Variants in OR4C12 observed in about 807,000 individuals in gnomAD.
OR4C12 encodes the protein olfactory receptor 4C12.
Under a neutral mutation model 12.3 loss-of-function variants are expected in OR4C12, and 11 were observed. The ratio of observed to expected loss-of-function variants is 0.89; its 90% CI spans 0.56 to 1.48. OR4C12 has a LOEUF of 1.48. Among genes scored for constraint, OR4C12 ranks in the 40% most tolerant of loss-of-function variants. OR4C12 has a pLI of 0.00. For synonymous variants in OR4C12, 138 were observed against 133.2 expected (o/e 1.04, Z -0.25); for missense variants, 414 against 365.8 (o/e 1.13, Z -1.08).
At position 49,982,428 on chromosome 11, in the gene OR4C12, G is replaced by T; in HGVS notation, c.74C>A (p.Thr25Lys). 1 of 1,613,198 alleles carries T rather than the reference G, an allele frequency of 6.2e-7. No homozygotes were observed. Among genetic ancestry groups the T allele is most frequent in the Non-Finnish European group, 8.5e-7 (1 of 1,179,324 alleles). Residue 25 changes from threonine (T) to lysine (K), a missense_variant, in exon 1 of 1, where the codon ACG becomes AAG. Physicochemically the swap from Thr to Lys is moderately conservative, Grantham distance 78. Transcript: ENST00000335238. ...GTAAAGAACCAAAAATACTACAAAC[G>T]TGACTTTCTCCATTATGGGGTTCTG... ...LTQNPIMEKV[T>K]FVVFLVLYMI... is the part of the protein sequence containing the mutation.
rs781805299 is a variant in OR4C12 at position 49,981,884 on chromosome 11, T to C, written c.618A>G (p.Leu206=). The C allele has an allele frequency of 2.5e-6, 4 of 1,614,070 alleles. No homozygotes were observed. Among genetic ancestry groups the C allele is most frequent in the South Asian group, 2.2e-5 (2 of 91,074 alleles). Reference sequence around the variant, plus strand: ...ATACCACCAAGATAAGGAAGTTTAATAAGCAGATAAACCCACTGTTCACAG... The same window carrying C: ...ATACCACCAAGATAAGGAAGTTTAACAAGCAGATAAACCCACTGTTCACAG... The part of the protein sequence containing the change: ...FVAVNSGFIC[L]LNFLILVVSY... Residue 206 remains leucine (L), a synonymous_variant, in exon 1 of 1, where the codon TTA becomes TTG. Coordinates refer to ENST00000335238, the MANE Select transcript of OR4C12 (RefSeq NM_001005270.4).
In OR4C12 at chr11:49,982,268, C is replaced by T. The variant is rs372332230; in HGVS notation, c.234G>A (p.Lys78=). The stretch of plus-strand genomic sequence containing the variant: ...TCTCTTGAAAGGAATCCACAATCAA[C>T]TTAGGAGCTGAAGAAGAAGAATAAA... ...DTVYSSSSAP[K]LIVDSFQEKK... is the part of the protein sequence containing the mutation. The change falls in exon 1 of 1, where the codon AAG becomes AAA. Residue 78 remains lysine, a synonymous_variant. Transcript: ENST00000335238. 3.1e-6 allele frequency: 5 copies of T among 1,614,020 alleles called. No homozygotes were observed. The highest frequency in any genetic ancestry group is 4.2e-6 in the Non-Finnish European group (5 of 1,179,930).
chr11:49,981,583 C>G lies in OR4C12; in HGVS notation c.919G>C (p.Asp307His). ...RKLWRKKVTSDND is the reference protein window; with the variant it reads ...RKLWRKKVTSHND ...CTCAATGGTCTTATTTAATCATTATCTGAAGTCACTTTTTTTCTCCAAAGC... is the reference window on the plus strand; with the variant it reads ...CTCAATGGTCTTATTTAATCATTATGTGAAGTCACTTTTTTTCTCCAAAGC... Residue 307 changes from aspartate (D) to histidine (H), a missense_variant, in exon 1 of 1, where the codon GAT (aspartate) becomes CAT (histidine). Asp to His is a moderately conservative substitution (Grantham distance 81). Coordinates refer to ENST00000335238, the MANE Select transcript of OR4C12 (RefSeq NM_001005270.4). The G allele has an allele frequency of 6.2e-7, 1 of 1,602,676 alleles. No individual in the cohort carries two copies. Among genetic ancestry groups the G allele is most frequent in the Non-Finnish European group, 8.5e-7 (1 of 1,170,698 alleles).
Position 49,981,638 on chromosome 11 carries a change from T to A in OR4C12, c.864A>T (p.Arg288Ser). 6.2e-7 allele frequency: 1 copy of A among 1,613,822 alleles called. No homozygotes were observed. Among genetic ancestry groups the A allele is most frequent in the Middle Eastern group, 1.7e-4 (1 of 6,060 alleles). Residue 288 changes from arginine (R) to serine (S), a missense_variant, in exon 1 of 1, where the codon AGA (arginine) becomes AGT (serine). Transcript: ENST00000335238. Reference protein sequence around the residue: ...PMLNPVVYTLRNAEVKSAIRK... With the variant: ...PMLNPVVYTLSNAEVKSAIRK... Reference sequence around the variant, plus strand: ...TTATTGCACTTTTTACCTCAGCATTTCTGAGTGTGTAGACCACGGGATTTA... The same window carrying A: ...TTATTGCACTTTTTACCTCAGCATTACTGAGTGTGTAGACCACGGGATTTA...
At position 49,982,535 on chromosome 11, in the gene OR4C12, G is replaced by A. The variant is rs782260100; in HGVS notation, c.-34C>T. 3.2e-6 allele frequency: 4 copies of A among 1,234,034 alleles called. No individual in the cohort carries two copies. The highest frequency in any genetic ancestry group is 4.7e-5 in the East Asian group (2 of 42,158). The allele number at this position is 1,234,034 out of a possible 1,614,324, so 76.4% of individuals were successfully genotyped here. ...TGTGGGTGATAAAACCTCCAGGAAGGAATATTTTACCTTTAGAAAAAAGAA... is the reference window on the plus strand; with the variant it reads ...TGTGGGTGATAAAACCTCCAGGAAGAAATATTTTACCTTTAGAAAAAAGAA... On this transcript the variant is annotated 5_prime_UTR_variant, in exon 1 of 1. Coordinates refer to ENST00000335238, the MANE Select transcript of OR4C12 (RefSeq NM_001005270.4).
rs553820430 is a variant in OR4C12, at chr11:49,982,259, C to T, written c.243G>A (p.Val81=). The T allele has an allele frequency of 2.0e-5, 33 of 1,613,916 alleles. No individual in the cohort carries two copies. Among genetic ancestry groups the T allele is most frequent in the Non-Finnish European group, 2.4e-5 (28 of 1,179,954 alleles). The change falls in exon 1 of 1, where the codon GTG becomes GTA. Residue 81 remains valine, a synonymous_variant. Coordinates refer to ENST00000335238, the MANE Select transcript of OR4C12 (RefSeq NM_001005270.4). ...YSSSSAPKLI[V]DSFQEKKIIS... is the part of the protein sequence containing the mutation. ...TGATTTTCTTCTCTTGAAAGGAATCCACAATCAACTTAGGAGCTGAAGAAG... is the reference window on the plus strand; with the variant it reads ...TGATTTTCTTCTCTTGAAAGGAATCTACAATCAACTTAGGAGCTGAAGAAG...
In OR4C12 at chr11:49,981,962, G is replaced by T. The variant is rs1555020193; in HGVS notation, c.540C>A (p.Tyr180Ter). ...CTATGCAAACAAGTTTTAACAATGG[G>T]TACAAGTCACACATGAAGTGGCCTA... ...NVIGHFMCDLYPLLKLVCIDT... is the reference protein window; with the variant it reads ...NVIGHFMCDL The change falls in exon 1 of 1, where the codon TAC (tyrosine) becomes TAA (stop). Residue 180 changes from tyrosine (Y) to a stop codon, truncating the protein, a stop_gained. Coordinates refer to ENST00000335238, the MANE Select transcript of OR4C12 (RefSeq NM_001005270.4). LOFTEE classifies it high-confidence loss of function. 1 of 1,614,052 alleles carries T rather than the reference G, an allele frequency of 6.2e-7. No homozygotes were observed. Among genetic ancestry groups the T allele is most frequent in the South Asian group, 1.1e-5 (1 of 91,076 alleles).
chr11:49,982,045 G>A lies in OR4C12; in HGVS notation c.457C>T (p.His153Tyr), dbSNP rs267602935. 3.1e-6 allele frequency: 5 copies of A among 1,614,158 alleles called. No individual in the cohort carries two copies. The highest frequency in any genetic ancestry group is 1.7e-5 in the Admixed American group (1 of 60,024). ...VAVAWVGGFL[H>Y]ATIQILFTVW... ...GTAAAGAGAATCTGAATAGTTGCAT[G>A]AAGAAATCCTCCCACCCAGGCCACT... The change falls in exon 1 of 1, where the codon CAT becomes TAT. Residue 153 changes from histidine (H) to tyrosine (Y), a missense_variant. Transcript: ENST00000335238.
chr11:49,982,304 C>A lies in OR4C12; in HGVS notation c.198G>T (p.Leu66Phe). Residue 66 changes from leucine (L) to phenylalanine (F), a missense_variant, in exon 1 of 1, where the codon TTG becomes TTT. Physicochemically the swap from Leu to Phe is conservative, Grantham distance 22 (BLOSUM62 0). Coordinates refer to ENST00000335238, the MANE Select transcript of OR4C12 (RefSeq NM_001005270.4). ...PMYFFLTHLS[L>F]IDTVYSSSSA... Reference sequence around the variant, plus strand: ...AAGAAGAAGAATAAACTGTGTCTATCAAAGAAAGGTGGGTCAGGAAGAAGT... The same window carrying A: ...AAGAAGAAGAATAAACTGTGTCTATAAAAGAAAGGTGGGTCAGGAAGAAGT... 6.2e-7 allele frequency: 1 copy of A among 1,613,996 alleles called. No individual in the cohort carries two copies. The highest frequency in any genetic ancestry group is 8.5e-7 in the Non-Finnish European group (1 of 1,179,950).
In OR4C12 at chr11:49,982,063, A is replaced by G. The variant is rs1854150872; in HGVS notation, c.439T>C (p.Trp147Arg). ...SLCILLVAVA[W>R]VGGFLHATIQ... is the part of the protein sequence containing the mutation. ...GTTGCATGAAGAAATCCTCCCACCC[A>G]GGCCACTGCCACCAGGAGAATGCAC... Residue 147 changes from tryptophan (W) to arginine (R), a missense_variant, in exon 1 of 1, where the codon TGG (tryptophan) becomes CGG (arginine). By Grantham distance (101) the Trp-to-Arg change is moderately radical. Transcript: ENST00000335238. The G allele has an allele frequency of 6.2e-7, 1 of 1,614,094 alleles. No individual in the cohort carries two copies. The highest frequency in any genetic ancestry group is 8.5e-7 in the Non-Finnish European group (1 of 1,180,034).
Position 49,982,485 on chromosome 11 carries a change from T to C in OR4C12, c.17A>G (p.Asn6Ser), listed in dbSNP as rs1854161699. ...ACCTATTAAAATGAATTCAGTCACA[T>C]TCTTTTTCTTCTCCATCTATGTAGT... MEKKK[N>S]VTEFILIGLT... The change falls in exon 1 of 1, where the codon AAT becomes AGT. Residue 6 changes from asparagine (N) to serine (S), a missense_variant. Physicochemically the swap from Asn to Ser is conservative, Grantham distance 46. Coordinates refer to ENST00000335238, the MANE Select transcript of OR4C12 (RefSeq NM_001005270.4). 4 of 1,600,476 alleles carry C rather than the reference T, an allele frequency of 2.5e-6. No individual in the cohort carries two copies.
Position 49,981,851 on chromosome 11 carries a change from C to T in OR4C12, c.651G>A (p.Val217=). ...LNFLILVVSY[V]IILRSLKNNS... Reference sequence around the variant, plus strand: ...TGTTCTTTAAAGATCTCAAGATGATCACATAGGATACCACCAAGATAAGGA... The same window carrying T: ...TGTTCTTTAAAGATCTCAAGATGATTACATAGGATACCACCAAGATAAGGA... The change falls in exon 1 of 1, where the codon GTG becomes GTA. Residue 217 remains valine, a synonymous_variant. Transcript: ENST00000335238. 1 of 1,613,974 alleles carries T rather than the reference C, an allele frequency of 6.2e-7. No homozygotes were observed.
In OR4C12 at chr11:49,981,476, G is replaced by A. The variant is rs1854136739; in HGVS notation, c.*96C>T. 2 of 707,330 alleles carry A rather than the reference G, an allele frequency of 2.8e-6. No homozygotes were observed. Among genetic ancestry groups the A allele is most frequent in the Admixed American group, 2.7e-5 (1 of 37,328 alleles). The allele number at this position is 707,330 out of a possible 1,614,324, so 43.8% of individuals were successfully genotyped here. On this transcript the variant is annotated 3_prime_UTR_variant, in exon 1 of 1. Coordinates refer to ENST00000335238, the MANE Select transcript of OR4C12 (RefSeq NM_001005270.4). ...TTTATGCTTTACTGACTATCTGCAAGCATTAGCCAGCCCCTTGTTAGAGTT... is the reference window on the plus strand; with the variant it reads ...TTTATGCTTTACTGACTATCTGCAAACATTAGCCAGCCCCTTGTTAGAGTT...
rs1555020232 is a variant in OR4C12 at position 49,982,081 on chromosome 11, G to C, written c.421C>G (p.Leu141Val). 6.2e-7 allele frequency: 1 copy of C among 1,614,194 alleles called. No individual in the cohort carries two copies. The highest frequency in any genetic ancestry group is 1.7e-5 in the Admixed American group (1 of 60,032). ...TTIMSHSLCI[L>V]LVAVAWVGGF... ...CCCACCCAGGCCACTGCCACCAGGA[G>C]AATGCACAGGCTGTGGCTCATAATG... is the stretch of plus-strand genomic sequence containing the variant. Residue 141 changes from leucine (L) to valine (V), a missense_variant, in exon 1 of 1, where the codon CTC becomes GTC. Transcript: ENST00000335238.
Position 49,981,528 on chromosome 11 carries a change from C to A in OR4C12, c.*44G>T, listed in dbSNP as rs782011839. On this transcript the variant is annotated 3_prime_UTR_variant, in exon 1 of 1. Coordinates refer to ENST00000335238, the MANE Select transcript of OR4C12 (RefSeq NM_001005270.4). ...ACATATTCATCTACAAATCAAGAAG[C>A]TTAAATACCTATTACCTCTATGTTG... The A allele has an allele frequency of 8.7e-7, 1 of 1,143,726 alleles. No individual in the cohort carries two copies. 70.8% of individuals were successfully genotyped at this position (1,143,726 alleles called of 1,614,324 possible).
Position 49,981,663 on chromosome 11 carries a change from A to C in OR4C12, c.839T>G (p.Leu280Ter), listed in dbSNP as rs1555020031. The C allele has an allele frequency of 6.2e-7, 1 of 1,613,746 alleles. No homozygotes were observed. The highest frequency in any genetic ancestry group is 2.2e-5 in the East Asian group (1 of 44,868). The change falls in exon 1 of 1, where the codon TTA (leucine) becomes TGA (stop). Residue 280 changes from leucine to a stop codon, truncating the protein, a stop_gained. Transcript: ENST00000335238. LOFTEE classifies it high-confidence loss of function. The part of the protein sequence containing the change: ...AVFYTMVVPM[L>*]NPVVYTLRNA... ...TCTGAGTGTGTAGACCACGGGATTT[A>C]ACATTGGGACCACCATAGTATAAAA...
In OR4C12 at chr11:49,982,145, G is replaced by A; in HGVS notation, c.357C>T (p.Asp119=). ...EIILLTVMAC[D]CYVAICKPLN... ...GAGGTTTGCAGATGGCCACATAGCAGTCACAGGCCATCACTGTCAGCAGGA... is the reference window on the plus strand; with the variant it reads ...GAGGTTTGCAGATGGCCACATAGCAATCACAGGCCATCACTGTCAGCAGGA... Residue 119 remains aspartate, a synonymous_variant, in exon 1 of 1, where the codon GAC becomes GAT. Transcript: ENST00000335238. 1.2e-6 allele frequency: 2 copies of A among 1,614,092 alleles called. No homozygotes were observed. Among genetic ancestry groups the A allele is most frequent in the Non-Finnish European group, 1.7e-6 (2 of 1,179,954 alleles).
chr11:49,982,009 G>T lies in OR4C12; in HGVS notation c.493C>A (p.Pro165Thr). Residue 165 changes from proline to threonine, a missense_variant, in exon 1 of 1, where the codon CCC (proline) becomes ACC (threonine). By Grantham distance (38) the Pro-to-Thr change is conservative. Coordinates refer to ENST00000335238, the MANE Select transcript of OR4C12 (RefSeq NM_001005270.4). The part of the protein sequence containing the change: ...TIQILFTVWL[P>T]FCGPNVIGHF... The stretch of plus-strand genomic sequence containing the variant: ...CCTATGACATTGGGGCCACAGAAGG[G>T]CAGCCATACTGTAAAGAGAATCTGA... 6.2e-7 allele frequency: 1 copy of T among 1,614,112 alleles called. No individual in the cohort carries two copies. The highest frequency in any genetic ancestry group is 8.5e-7 in the Non-Finnish European group (1 of 1,179,994).
Position 49,981,657 on chromosome 11 carries a change from G to T in OR4C12, c.845C>A (p.Pro282His). Residue 282 changes from proline to histidine, a missense_variant, in exon 1 of 1, where the codon CCC (proline) becomes CAC (histidine). Coordinates refer to ENST00000335238, the MANE Select transcript of OR4C12 (RefSeq NM_001005270.4). ...FYTMVVPMLN[P>H]VVYTLRNAEV... is the part of the protein sequence containing the mutation. ...AGCATTTCTGAGTGTGTAGACCACGGGATTTAACATTGGGACCACCATAGT... is the reference window on the plus strand; with the variant it reads ...AGCATTTCTGAGTGTGTAGACCACGTGATTTAACATTGGGACCACCATAGT... The T allele has an allele frequency of 6.2e-7, 1 of 1,613,650 alleles. No individual in the cohort carries two copies. The highest frequency in any genetic ancestry group is 1.7e-4 in the Middle Eastern group (1 of 6,060).
Sources: gnomAD v4.1 joint callset for allele counts on GRCh38, gnomAD v4.1.1 for gene constraint, MANE v1.5 for transcripts, NCBI Gene and HGNC (gene_info 2026-07-23, HGNC 2026-07-21) for gene names.